The following GPRIN3 variants were observed in gnomAD, a reference collection of about 807,000 sequenced individuals.
The protein encoded by GPRIN3 is G protein-regulated inducer of neurite outgrowth 3.
In GPRIN3, 12 loss-of-function variants were observed where a neutral mutation model predicts 13.7. The observed-to-expected ratio is 0.87, with a 90% CI of 0.56 to 1.42. The LOEUF (loss-of-function observed/expected upper bound fraction) is 1.42. Among genes scored for constraint, GPRIN3 ranks in the 40% most tolerant of loss-of-function variants. The pLI is 0.00. For synonymous variants in GPRIN3, 377 were observed against 372.7 expected (o/e 1.01, Z -0.13); for missense variants, 1,009 against 958.7 (o/e 1.05, Z -0.69).
chr4:89,273,961 C>G (rs537443123), intron 1 of GPRIN3, among the ~76,000 whole-genome samples: 1 of 152,118 alleles, frequency 6.6e-6, no homozygotes, highest in Non-Finnish European at 1.5e-5. Context: ...ACTGAGGATA[C>G]GACATGAGTA....
intron 1 of GPRIN3, among the ~76,000 whole-genome samples, chr4:89,298,890 T>C (rs1286222856): frequency 6.6e-6 from 1 of 151,814 alleles, no homozygotes; most frequent in Non-Finnish European, 1.5e-5. Flanking sequence ...GGTTATTAAC[T>C]TTTCCCCTCC....
In GPRIN3 at chr4:89,249,425, T is replaced by A. The variant is rs752343609; in HGVS notation, c.686A>T (p.Asp229Val). The change falls in exon 2 of 2, where the codon GAC (aspartate) becomes GTC (valine). Residue 229 changes from aspartate (D) to valine (V), a missense_variant. Physicochemically the swap from Asp to Val is radical, Grantham distance 152. Coordinates refer to ENST00000609438, the MANE Select transcript of GPRIN3 (RefSeq NM_198281.3). ...AGGTTTACAGGACCTCATTTCAGAG[T>A]CACAGATGGCTCCCTGCCTTTCCCC... ...PEGERQGAIC[D>V]SEMRSCKPLT... 6.2e-7 allele frequency: 1 copy of A among 1,613,966 alleles called. No homozygotes were observed. Among genetic ancestry groups the A allele is most frequent in the South Asian group, 1.1e-5 (1 of 91,058 alleles).
rs750533232 is a variant in GPRIN3 at position 89,248,547 on chromosome 4, C to G, written c.1564G>C (p.Asp522His). ...GTGGGATCCAAGCTCCCAGAATGAT[C>G]AGCTTTGCTGATAGAGCCACAAGAG... Reference protein sequence around the residue: ...SDSCGSISKADHSGSLDPTNK... With the variant: ...SDSCGSISKAHHSGSLDPTNK... The change falls in exon 2 of 2, where the codon GAT (aspartate) becomes CAT (histidine). Residue 522 changes from aspartate to histidine, a missense_variant. Coordinates refer to ENST00000609438, the MANE Select transcript of GPRIN3 (RefSeq NM_198281.3). 4.3e-6 allele frequency: 7 copies of G among 1,613,206 alleles called. No individual in the cohort carries two copies. In the South Asian group the frequency reaches 7.7e-5, roughly 18 times the overall value.
intron 1 of GPRIN3, among the ~76,000 whole-genome samples, chr4:89,273,929 T>C (rs951849526): frequency 6.6e-6 from 1 of 152,218 alleles, no homozygotes; most frequent in Non-Finnish European, 1.5e-5. Flanking sequence ...TAAGCAATAG[T>C]GTACTAAGTG....
intron 1 of GPRIN3, among the ~76,000 whole-genome samples, chr4:89,256,822 T>G (rs1723477664): frequency 6.6e-6 from 1 of 152,202 alleles, no homozygotes; most frequent in Admixed American, 6.5e-5. Flanking sequence ...AAGAGATTAC[T>G]AATCCTCAAG....
rs780300644 is a variant in GPRIN3 at position 89,247,989 on chromosome 4, C to T, written c.2122G>A (p.Ala708Thr). ...ASLDAESLGIAIQNHLQRQIR... is the reference protein window; with the variant it reads ...ASLDAESLGITIQNHLQRQIR... ...TGTCTTTGCAAATGGTTCTGGATCG[C>T]GATTCCCAGGGACTCTGCGTCCAAG... Residue 708 changes from alanine (A) to threonine (T), a missense_variant, in exon 2 of 2, where the codon GCG becomes ACG. Transcript: ENST00000609438. The T allele has an allele frequency of 7.4e-6, 12 of 1,613,994 alleles. No individual in the cohort carries two copies. The highest frequency in any genetic ancestry group is 4.4e-5 in the South Asian group (4 of 91,084).
intron 1 of GPRIN3, among the ~76,000 whole-genome samples, chr4:89,294,772 A>G (rs1255608492): frequency 6.6e-6 from 1 of 152,214 alleles, no homozygotes; most frequent in African/African-American, 2.4e-5. Flanking sequence ...TCACCACTAT[A>G]GCAAAATCTT....
intron 1 of GPRIN3, among the ~76,000 whole-genome samples, chr4:89,306,330 C>G (rs979889010): frequency 2.6e-5 from 4 of 152,126 alleles, no homozygotes; most frequent in Admixed American, 2.6e-4. Flanking sequence ...GCGAAGTACA[C>G]TCAAAGCATT....
rs1723248074 is a variant in GPRIN3 at position 89,249,463 on chromosome 4, T to C, written c.648A>G (p.Val216=). ...ARVVSHSSSP[V]GGPEGERQGA... is the part of the protein sequence containing the mutation. ...CCTGCCTTTCCCCTTCAGGTCCACC[T>C]ACAGGAGAGGATGAGTGACTGACCA... is the stretch of plus-strand genomic sequence containing the variant. Residue 216 remains valine, a synonymous_variant, in exon 2 of 2, where the codon GTA becomes GTG. Coordinates refer to ENST00000609438, the MANE Select transcript of GPRIN3 (RefSeq NM_198281.3). 1 of 1,614,094 alleles carries C rather than the reference T, an allele frequency of 6.2e-7. No individual in the cohort carries two copies. The highest frequency in any genetic ancestry group is 8.5e-7 in the Non-Finnish European group (1 of 1,180,022).
In GPRIN3 at chr4:89,245,176, T is replaced by C. The variant is rs1723058406; in HGVS notation, c.*2604A>G. Reference sequence around the variant, plus strand: ...TGCTGCTGTCTTGAATAGGTCCCTATCTTATTTATCCATCTGAAGATATAT... The same window carrying C: ...TGCTGCTGTCTTGAATAGGTCCCTACCTTATTTATCCATCTGAAGATATAT... On this transcript the variant is annotated 3_prime_UTR_variant, in exon 2 of 2. Transcript: ENST00000609438. 2 of 152,226 alleles carry C rather than the reference T, an allele frequency of 1.3e-5. No homozygotes were observed. Among genetic ancestry groups the C allele is most frequent in the Middle Eastern group, 3.2e-3 (1 of 316 alleles). 9.4% of individuals were successfully genotyped at this position (152,226 alleles called of 1,614,324 possible). A position where few individuals can be genotyped will look rare whatever the true frequency, so the allele number is the denominator to read the frequency against.
rs1455484060 is a variant in GPRIN3 at position 89,237,364 on chromosome 4, GT to G, written c.*10415del. 1 of 152,150 alleles carries G rather than the reference GT, an allele frequency of 6.6e-6. No homozygotes were observed. Among genetic ancestry groups the G allele is most frequent in the East Asian group, 1.9e-4 (1 of 5,180 alleles). The allele number at this position is 152,150 out of a possible 1,614,324, so 9.4% of individuals were successfully genotyped here. On this transcript the variant is annotated 3_prime_UTR_variant, in exon 2 of 2. Transcript: ENST00000609438. ...GTTCATTAAGAATGTGTATGCCATG[GT>G]CTAAATGTCTGTATCCCTCCAAAAC...
rs554282855 is a variant in GPRIN3 at position 89,244,667 on chromosome 4, A to C, written c.*3113T>G. The stretch of plus-strand genomic sequence containing the variant: ...CAGCTGAAGCTGTCACATTTTTCTC[A>C]TGGTCATAAAAACAGAACAATCAAT... On this transcript the variant is annotated 3_prime_UTR_variant, in exon 2 of 2. Transcript: ENST00000609438. 6.6e-6 allele frequency: 1 copy of C among 152,316 alleles called. No homozygotes were observed. The highest frequency in any genetic ancestry group is 2.1e-4 in the South Asian group (1 of 4,824). The allele number at this position is 152,316 out of a possible 1,614,324, so 9.4% of individuals were successfully genotyped here.
intron 1 of GPRIN3, among the ~76,000 whole-genome samples, chr4:89,267,697 G>A (rs1006517742): frequency 2.0e-5 from 3 of 152,124 alleles, no homozygotes; most frequent in African/African-American, 7.2e-5. Flanking sequence ...CTGAATTTAG[G>A]ATCTATTATC....
Position 89,302,099 on chromosome 4 carries a change from T to C in GPRIN3, c.-124+5516A>G, listed in dbSNP as rs966643920. Among the ~76,000 whole-genome samples the C allele has an allele frequency of 5.3e-5, 8 of 152,222 alleles. No individual in the cohort carries two copies. The South Asian group carries it at 1.7e-3, about 32-fold the overall frequency. ...ACCCAGCTGATCCCCACGATATTTC[T>C]GCTACGCTAGACCCTTGGGACAGAG... is the stretch of plus-strand genomic sequence containing the variant. On this transcript the variant is annotated intron_variant, in intron 1 of 1. Transcript: ENST00000609438.
intron 1 of GPRIN3, among the ~76,000 whole-genome samples, chr4:89,271,572 T>C (rs1223527301): frequency 1.5e-5 from 2 of 130,948 alleles, no homozygotes; most frequent in Non-Finnish European, 1.5e-5. Context: ...TTTTAAAAAC[T>C]TGTATTTTTT....
intron 1 of GPRIN3, among the ~76,000 whole-genome samples, chr4:89,281,740 C>A (rs1561216596): frequency 6.6e-6 from 1 of 152,108 alleles, no homozygotes; most frequent in Non-Finnish European, 1.5e-5. Context: ...TTTAAGCCAC[C>A]CAGTTTGTGG....
intron 1 of GPRIN3, among the ~76,000 whole-genome samples, chr4:89,258,721 G>A (rs1414373729): frequency 6.6e-6 from 1 of 152,226 alleles, no homozygotes; most frequent in Non-Finnish European, 1.5e-5. Context: ...AAAGGGGCGT[G>A]AGAGTCCTTC....
intron 1 of GPRIN3, among the ~76,000 whole-genome samples, chr4:89,268,285 A>C (rs1419779905): frequency 6.6e-6 from 1 of 152,232 alleles, no homozygotes; most frequent in Non-Finnish European, 1.5e-5. Flanking sequence ...GAATACAAAG[A>C]GAAAAGAGAT....
At chr4:89,279,319 T>C (rs1321981089) in intron 1 of GPRIN3, among the ~76,000 whole-genome samples, 1 of 152,176 alleles carries the variant, frequency 6.6e-6, no homozygotes, top group Non-Finnish European at 1.5e-5. Context: ...TTTTCCTGTC[T>C]CACCACCCGC....
Sources: allele counts gnomAD v4.1 joint callset (sites outside exome capture counted in the v4.1 genomes callset), GRCh38; gene constraint gnomAD v4.1.1; transcripts MANE v1.5; gene names NCBI Gene and HGNC (gene_info 2026-07-23, HGNC 2026-07-21).